Variants in PSMF1 observed in about 807,000 individuals in gnomAD.
PSMF1 encodes the protein proteasome inhibitor PI31 subunit.
In PSMF1, 30 loss-of-function variants were observed where a neutral mutation model predicts 29.3. The observed-to-expected ratio is 1.02, with a 90% confidence interval of 0.77 to 1.39. PSMF1 has a LOEUF of 1.39. Among genes scored for constraint, PSMF1 ranks in the 40% most tolerant of loss-of-function variants. The probability of loss-of-function intolerance (pLI) is 0.00; values close to 1 mark genes in which losing one functional copy is unlikely to be tolerated. For missense variants in PSMF1, 344 were observed against 357.5 expected (o/e 0.96, Z 0.31); for synonymous variants, 134 against 139.7 (o/e 0.96, Z 0.29).
At chr20:1,114,185 C>T (rs1368956354), upstream of PSMF1, among the ~76,000 whole-genome samples, 1 of 152,188 alleles carries the variant, frequency 6.6e-6, no homozygotes, top group Non-Finnish European at 1.5e-5. Context: ...GTGGCAGATG[C>T]CCTCAAATGC....
intron 4 of PSMF1, among the ~76,000 whole-genome samples, chr20:1,149,489 T>C (rs1245792423): frequency 2.6e-5 from 4 of 152,230 alleles, no homozygotes; most frequent in African/African-American, 7.2e-5. Context: ...TAATTTTTGC[T>C]TGAAAACTTG....
chr20:1,148,554 A>G (rs150907705), intron 4 of PSMF1, among the ~76,000 whole-genome samples: 218 of 152,364 alleles, frequency 1.4e-3, no homozygotes, highest in Non-Finnish European at 2.4e-3. Context: ...GTATCTTTAC[A>G]TATTTTTAAA....
At chr20:1,117,422 C>T (rs1377266626), upstream of PSMF1, among the ~76,000 whole-genome samples, 1 of 151,904 alleles carries the variant, frequency 6.6e-6, no homozygotes, top group African/African-American at 2.4e-5. Context: ...ACTGCAACCT[C>T]CACCTCCACC....
Position 1,118,769 on chromosome 20 carries a change from C to T in PSMF1, c.-5C>T, listed in dbSNP as rs1568461206. 1 of 1,609,568 alleles carries T rather than the reference C, an allele frequency of 6.2e-7. No individual in the cohort carries two copies. Among genetic ancestry groups the T allele is most frequent in the Non-Finnish European group, 8.5e-7 (1 of 1,177,130 alleles). On this transcript the variant is annotated 5_prime_UTR_variant, in exon 1 of 7. Transcript: ENST00000335877. ...TTCCTCCAGACGCCGAAGTCGCGGG[C>T]GCTCATGGCGGGCCTGGAGGTACTG... is the stretch of plus-strand genomic sequence containing the variant.
intron 4 of PSMF1, among the ~76,000 whole-genome samples, chr20:1,141,102 G>A (rs1002537682): frequency 6.6e-6 from 1 of 152,190 alleles, no homozygotes; most frequent in Non-Finnish European, 1.5e-5. Context: ...ATTTATTTAT[G>A]TGAAATGTCC....
chr20:1,141,612 G>A (rs1358027076), intron 4 of PSMF1, among the ~76,000 whole-genome samples: 1 of 152,052 alleles, frequency 6.6e-6, no homozygotes, highest in Admixed American at 6.5e-5. Flanking sequence ...TCCCCCTAAG[G>A]AAGAAGGCAA....
chr20:1,165,318 C>T lies in PSMF1; in HGVS notation c.*238C>T. ...AGTGTGTCTCTTTCACCATCAGCTC[C>T]TCCCCTTTCACCACCAGCTCCTCTC... On this transcript the variant is annotated 3_prime_UTR_variant, in exon 7 of 7. Transcript: ENST00000335877. 2 of 1,397,436 alleles carry T rather than the reference C, an allele frequency of 1.4e-6. No individual in the cohort carries two copies. Among genetic ancestry groups the T allele is most frequent in the Non-Finnish European group, 1.9e-6 (2 of 1,078,726 alleles). The allele number at this position is 1,397,436 out of a possible 1,614,324, so 86.6% of individuals were successfully genotyped here.
At position 1,164,997 on chromosome 20, in the gene PSMF1, C is replaced by A; in HGVS notation, c.765-32C>A. The A allele has an allele frequency of 6.3e-7, 1 of 1,579,724 alleles. No homozygotes were observed. Among genetic ancestry groups the A allele is most frequent in the Non-Finnish European group, 8.7e-7 (1 of 1,148,652 alleles). ...CCATGTTCCCCTGGTCTCTCCATCA[C>A]TCCAACTCATCAGCCCCTCTTTCCA... On this transcript the variant is annotated intron_variant, in intron 6 of 6. Transcript: ENST00000335877. The surrounding 1 kb of genome is among the most constrained non-coding windows in gnomAD (Gnocchi z 4.1).
chr20:1,117,795 G>C (rs1288287480), upstream of PSMF1: 1 of 152,232 alleles, frequency 6.6e-6, no homozygotes, highest in South Asian at 2.1e-4. Context: ...GACTGGGATG[G>C]GGAAACTAAA....
chr20:1,146,679 A>G, intron 4 of PSMF1, among the ~76,000 whole-genome samples: 1 of 152,132 alleles, frequency 6.6e-6, no homozygotes, highest in East Asian at 1.9e-4. Flanking sequence ...TTTTGCGGCA[A>G]TTAGGAACAC....
chr20:1,135,039 G>A (rs578057837), intron 3 of PSMF1, 82 bp from the exon 4 acceptor site: 49 of 1,451,306 alleles, frequency 3.4e-5, no homozygotes, highest in East Asian at 2.0e-4. Context: ...GGCCGCCGCC[G>A]CCGCCGTCGT....
upstream of PSMF1, chr20:1,118,561 G>C (rs988517445): frequency 7.9e-6 from 4 of 504,066 alleles, no homozygotes; most frequent in South Asian, 3.6e-5. Flanking sequence ...TGCCAACCCG[G>C]CGCGCCTCAC....
intron 1 of PSMF1, among the ~76,000 whole-genome samples, chr20:1,119,651 G>C (rs1204994453): frequency 6.6e-6 from 1 of 152,106 alleles, no homozygotes; most frequent in Non-Finnish European, 1.5e-5. Flanking sequence ...TAGGGACGTC[G>C]TTGTCATCCC....
In PSMF1 at chr20:1,171,242, GGAGGAGCATCT is replaced by G. The variant is rs1252853959; in HGVS notation, c.*6165_*6175del. 6.6e-6 allele frequency among the ~76,000 whole-genome samples: 1 copy of G among 152,164 alleles called. No homozygotes were observed. Among genetic ancestry groups the G allele is most frequent in the African/African-American group, 2.4e-5 (1 of 41,418 alleles). ...CCACAGTGCCCAGAGCACCTGGTTA[GGAGGAGCATCT>G]GAAACCACCTGCACAACCTCCATTC... On this transcript the variant is annotated 3_prime_UTR_variant, in exon 7 of 7. Transcript: ENST00000335877.
chr20:1,166,126 G>A lies in PSMF1; in HGVS notation c.*1046G>A. Reference sequence around the variant, plus strand: ...GGCCCAGACAGAGCACAGGAGCATGGGCTGCCTCTGAGTGTGGTGTTGAAC... The same window carrying A: ...GGCCCAGACAGAGCACAGGAGCATGAGCTGCCTCTGAGTGTGGTGTTGAAC... On this transcript the variant is annotated 3_prime_UTR_variant, in exon 7 of 7. Transcript: ENST00000335877. 1 of 1,561,992 alleles carries A rather than the reference G, an allele frequency of 6.4e-7. No individual in the cohort carries two copies. The highest frequency in any genetic ancestry group is 8.7e-7 in the Non-Finnish European group (1 of 1,153,174).
In PSMF1 at chr20:1,135,101, T is replaced by G. The variant is rs766554723; in HGVS notation, c.366-20T>G. On this transcript the variant is annotated intron_variant, in intron 3 of 6. Transcript: ENST00000335877. ...TCCTAGCCAACTGCAAGCAGTTGAC[T>G]CTTCATCTGCTTCCTGCAGGACCTA... The G allele has an allele frequency of 6.8e-6, 11 of 1,613,522 alleles. No homozygotes were observed. Among genetic ancestry groups the G allele is most frequent in the Admixed American group, 1.7e-5 (1 of 60,002 alleles).
intron 4 of PSMF1, among the ~76,000 whole-genome samples, chr20:1,143,541 A>C (rs931528385): frequency 1.3e-5 from 2 of 152,238 alleles, no homozygotes; most frequent in African/African-American, 4.8e-5. Flanking sequence ...AGAAAACACA[A>C]GAGGAAATCT....
At chr20:1,117,099 C>G (rs531443754), upstream of PSMF1, among the ~76,000 whole-genome samples, 5 of 152,276 alleles carry the variant, frequency 3.3e-5, no homozygotes, top group South Asian at 1.0e-3. Flanking sequence ...GTGGAGTCAA[C>G]TAGCTTTGCT....
At chr20:1,130,563 G>A (rs2086215581) in intron 3 of PSMF1, among the ~76,000 whole-genome samples, 1 of 152,154 alleles carries the variant, frequency 6.6e-6, no homozygotes, top group Admixed American at 6.5e-5. Flanking sequence ...TTTGGTTACC[G>A]ATTTAAACGT....
Sources: gnomAD v4.1 joint callset for allele counts (sites outside exome capture counted in the v4.1 genomes callset) on GRCh38, gnomAD v4.1.1 for gene constraint, Gnocchi (gnomAD v3.1) non-coding constraint, MANE v1.5 for transcripts, NCBI Gene and HGNC (gene_info 2026-07-23, HGNC 2026-07-21) for gene names.